The following KLHL7 variants were observed in gnomAD, a reference collection of about 807,000 sequenced individuals.
KLHL7 encodes the protein kelch-like protein 7.
KLHL7 carries 44 observed loss-of-function variants against 67.4 expected under a neutral mutation model. That is an observed-to-expected ratio of 0.65 (90% CI 0.51 to 0.84). KLHL7 has a LOEUF of 0.84. Ranked by LOEUF, KLHL7 falls within the 40% of genes least tolerant of loss-of-function variation. The probability of loss-of-function intolerance (pLI) is 0.00; values close to 1 mark genes in which losing one functional copy is unlikely to be tolerated. For synonymous variants in KLHL7, 252 were observed against 243.3 expected (o/e 1.04, Z -0.33); for missense variants, 362 against 718.1 (o/e 0.50, Z 5.67).
At chr7:23,122,245 C>T (rs1783383938) in intron 1 of KLHL7, among the ~76,000 whole-genome samples, 4 of 152,148 alleles carry the variant, frequency 2.6e-5, no homozygotes, top group Admixed American at 1.3e-4. Flanking sequence ...TTTGGTTTAA[C>T]CCTATGTTTC....
Position 23,128,691 on chromosome 7 carries a change from A to ACC in KLHL7, c.442+3521_442+3522dup, listed in dbSNP as rs1783678839. Among the ~76,000 whole-genome samples, 5 of 151,728 alleles carry ACC rather than the reference A, an allele frequency of 3.3e-5. No individual in the cohort carries two copies. In the South Asian group the frequency reaches 1.0e-3, roughly 32 times the overall value. On this transcript the variant is annotated intron_variant, in intron 4 of 10. Transcript: ENST00000339077. ...TTTTACCACATTAAAAAAAAAAGTG[A>ACC]CCCTACAGCTAGCAGGTCCCAAAAG...
chr7:23,125,876 A>G lies in KLHL7; in HGVS notation c.442+704A>G, dbSNP rs778124479. The G allele has an allele frequency of 4.5e-6, 7 of 1,548,218 alleles. No individual in the cohort carries two copies. In the South Asian group the frequency reaches 8.3e-5, roughly 18 times the overall value. On this transcript the variant is annotated intron_variant, in intron 4 of 10. Coordinates refer to ENST00000339077, the MANE Select transcript of KLHL7 (RefSeq NM_001031710.3). ...GATGTTTGTGCAGTAGCCCACCCTT[A>G]TCTGCAGGATACGTTCCAAGACCCC...
chr7:23,106,821 AC>A, intron 1 of KLHL7: 1 of 983,704 alleles, frequency 1.0e-6, no homozygotes, highest in Non-Finnish European at 1.2e-6. Flanking sequence ...ACGGATTTTA[AC>A]GCTGGCGAAG....
intron 4 of KLHL7, chr7:23,129,558 A>G (rs964798906): frequency 4.5e-6 from 1 of 222,072 alleles, no homozygotes; most frequent in African/African-American, 2.4e-5. Flanking sequence ...CTTGCTGTTC[A>G]TCTAGCTAGT....
At chr7:23,121,006 G>T (rs1337379824) in intron 1 of KLHL7, among the ~76,000 whole-genome samples, 2 of 151,908 alleles carry the variant, frequency 1.3e-5, no homozygotes. Flanking sequence ...ACCCTTTCCA[G>T]CCTCTAGTAT....
intron 7 of KLHL7, among the ~76,000 whole-genome samples, chr7:23,164,595 A>C (rs972973356): frequency 1.3e-5 from 2 of 150,594 alleles, no homozygotes; most frequent in African/African-American, 5.0e-5. Context: ...ACCTACGGGG[A>C]TATTAATTAG....
chr7:23,114,856 A>G (rs1021487187), intron 1 of KLHL7, among the ~76,000 whole-genome samples: 2 of 152,218 alleles, frequency 1.3e-5, no homozygotes, highest in African/African-American at 4.8e-5. Flanking sequence ...TGGTGAACCA[A>G]ATGACAGCCT....
chr7:23,155,667 ACAAAACAAAAC>A, intron 7 of KLHL7, among the ~76,000 whole-genome samples: 1 of 146,736 alleles, frequency 6.8e-6, no homozygotes, highest in South Asian at 2.1e-4. Context: ...AACCAAAAAA[ACAAAACAAAAC>A]AAAACAAAAC....
intron 5 of KLHL7, 80 bp downstream of exon 5, chr7:23,141,024 C>A: frequency 8.7e-7 from 1 of 1,152,288 alleles, no homozygotes; most frequent in Non-Finnish European, 1.3e-6. Flanking sequence ...GGACACATGA[C>A]AAGGGAAAGA....
chr7:23,115,375 G>T (rs1235535062), intron 1 of KLHL7, among the ~76,000 whole-genome samples: 1 of 152,086 alleles, frequency 6.6e-6, no homozygotes, highest in African/African-American at 2.4e-5. Flanking sequence ...AACAATCTTG[G>T]CTTTTGGCTT....
rs142553653 is a variant in KLHL7, at chr7:23,175,486, T to G, written c.*1188T>G. 2 of 381,066 alleles carry G rather than the reference T, an allele frequency of 5.2e-6. No individual in the cohort carries two copies. Among genetic ancestry groups the G allele is most frequent in the African/African-American group, 2.1e-5 (1 of 47,260 alleles). The allele number at this position is 381,066 out of a possible 1,614,324, so 23.6% of individuals were successfully genotyped here. On this transcript the variant is annotated 3_prime_UTR_variant, in exon 11 of 11. Transcript: ENST00000339077. The stretch of plus-strand genomic sequence containing the variant: ...GTTGTTTTTAGAATTTGTGAACCAG[T>G]GTCTCTTAATTTTCAGTTTTCTTTA...
rs532621822 is a variant in KLHL7, at chr7:23,161,479, G to T, written c.937-4219G>T. On this transcript the variant is annotated intron_variant, in intron 7 of 10. Transcript: ENST00000339077. Reference sequence around the variant, plus strand: ...AATTACCTTTATATCTGCCAGCTTTGTACACTGTCCAGTTTTTTCTTTAGG... The same window carrying T: ...AATTACCTTTATATCTGCCAGCTTTTTACACTGTCCAGTTTTTTCTTTAGG... 2.8e-4 allele frequency among the ~76,000 whole-genome samples: 42 copies of T among 152,292 alleles called. No individual in the cohort carries two copies. In the South Asian group the frequency reaches 3.9e-3, roughly 14 times the overall value.
rs2128470902 is a variant in KLHL7 at position 23,175,963 on chromosome 7, A to AAT, written c.*1666_*1667insTA. 1.3e-5 allele frequency: 2 copies of AAT among 150,978 alleles called. No individual in the cohort carries two copies. The highest frequency in any genetic ancestry group is 4.9e-5 in the African/African-American group (2 of 40,770). The allele number at this position is 150,978 out of a possible 1,614,324, so 9.4% of individuals were successfully genotyped here. On this transcript the variant is annotated 3_prime_UTR_variant, in exon 11 of 11. Transcript: ENST00000339077. ...GCAACAGAGCAAGACTAAAAAAAAA[A>AAT]AAAAAAAAAAAAAAATGTATTATTC... is the stretch of plus-strand genomic sequence containing the variant.
At chr7:23,129,685 C>G (rs1318829053) in intron 4 of KLHL7, 1 of 160,484 alleles carries the variant, frequency 6.2e-6, no homozygotes, top group Non-Finnish European at 1.4e-5. Flanking sequence ...TATCAAGAGA[C>G]TGAAGACTTA....
At chr7:23,114,772 A>G (rs1218732314) in intron 1 of KLHL7, among the ~76,000 whole-genome samples, 2 of 152,236 alleles carry the variant, frequency 1.3e-5, no homozygotes, top group Non-Finnish European at 2.9e-5. Context: ...GAGATACTAC[A>G]GGCTGGCAAT....
At chr7:23,155,981 T>A (rs1035679291) in intron 7 of KLHL7, 18 of 462,532 alleles carry the variant, frequency 3.9e-5, no homozygotes, top group Admixed American at 3.2e-4. Flanking sequence ...GATTTTTTTT[T>A]ATTGGACAGT....
Position 23,106,136 on chromosome 7 carries a change from T to G in KLHL7, c.110T>G (p.Met37Arg), listed in dbSNP as rs772318385. The G allele has an allele frequency of 5.0e-6, 8 of 1,610,502 alleles. No homozygotes were observed. Among genetic ancestry groups the G allele is most frequent in the Admixed American group, 1.7e-5 (1 of 59,444 alleles). The change falls in exon 1 of 11, where the codon ATG (methionine) becomes AGG (arginine). Residue 37 changes from methionine to arginine, a missense_variant. By Grantham distance (91) the Met-to-Arg change is moderately conservative (BLOSUM62 -1). Coordinates refer to ENST00000339077, the MANE Select transcript of KLHL7 (RefSeq NM_001031710.3). ...LAGFMGVMNN[M>R]RKQKTLCDVI... ...GGTTTCATGGGCGTCATGAATAACA[T>G]GCGGAAACAGGTACCGCCTCTGTGG...
At chr7:23,140,460 G>C (rs930058309) in intron 4 of KLHL7, among the ~76,000 whole-genome samples, 13 of 152,230 alleles carry the variant, frequency 8.5e-5, no homozygotes, top group African/African-American at 3.1e-4. Context: ...GGGAGGCTGA[G>C]GCAGGAGAAT....
chr7:23,117,985 C>T (rs554352089), intron 1 of KLHL7: 10 of 1,613,592 alleles, frequency 6.2e-6, no homozygotes, highest in Non-Finnish European at 8.5e-6. Flanking sequence ...CCTCAGTCTT[C>T]TCTTTGGGAT....
Sources: allele counts gnomAD v4.1 joint callset (sites outside exome capture counted in the v4.1 genomes callset), GRCh38; gene constraint gnomAD v4.1.1; transcripts MANE v1.5; gene names NCBI Gene and HGNC (gene_info 2026-07-23, HGNC 2026-07-21).